Variants in ERC2 observed in about 807,000 individuals in gnomAD.
ERC2 encodes ELKS/RAB6-interacting/CAST family member 2.
Under a neutral mutation model 114.8 loss-of-function variants are expected in ERC2, and 42 were observed. The observed-to-expected ratio is 0.37, with a 90% CI of 0.29 to 0.47. The LOEUF (loss-of-function observed/expected upper bound fraction) is 0.47, where lower values mean the gene tolerates loss of function less well. ERC2 is among the 20% of genes least tolerant of loss of function. ERC2 has a pLI of 0.99. For missense variants in ERC2, 939 were observed against 1,150.7 expected (o/e 0.82, Z 2.66); for synonymous variants, 454 against 425.5 (o/e 1.07, Z -0.82).
rs117830827 is a variant in ERC2 at position 55,818,687 on chromosome 3, C to T, written c.2564+69702G>A. On this transcript the variant is annotated intron_variant, in intron 14 of 17. Transcript: ENST00000288221. ...CACCACCAACCACAGAGGGGTGCTA[C>T]GTGTGTGCAATGTGACAAGGCAGCT... Among the ~76,000 whole-genome samples, 347 of 152,308 alleles carry T rather than the reference C, an allele frequency of 2.3e-3. 14 individuals are homozygous for T. In the East Asian group the frequency reaches 0.056, roughly 25 times the overall value.
At chr3:55,664,065 C>T (rs2061254542) in intron 17 of ERC2, among the ~76,000 whole-genome samples, 1 of 152,194 alleles carries the variant, frequency 6.6e-6, no homozygotes, top group African/African-American at 2.4e-5. Flanking sequence ...GTGGTTCACA[C>T]ACCAGCAGCA....
At chr3:55,683,966 T>C in intron 16 of ERC2, 107 bp from the exon 17 acceptor site, 1 of 1,242,412 alleles carries the variant, frequency 8.0e-7, no homozygotes, top group Non-Finnish European at 1.1e-6. Flanking sequence ...ACACTAATCT[T>C]CACTTTGTTT....
At chr3:56,229,153 CA>C (rs2050444733) in intron 3 of ERC2, among the ~76,000 whole-genome samples, 1 of 152,158 alleles carries the variant, frequency 6.6e-6, no homozygotes, top group Non-Finnish European at 1.5e-5. Context: ...GAGGATACAG[CA>C]GTGAACAAAA....
At chr3:56,440,809 T>G (rs1001458095) in intron 1 of ERC2, among the ~76,000 whole-genome samples, 2 of 152,220 alleles carry the variant, frequency 1.3e-5, no homozygotes, top group African/African-American at 4.8e-5. Context: ...TTTCTCCATG[T>G]TTTATCTTAA....
chr3:55,729,985 C>T lies in ERC2; in HGVS notation c.2712+4786G>A, dbSNP rs1425649450. 3.9e-5 allele frequency among the ~76,000 whole-genome samples: 6 copies of T among 151,924 alleles called. 1 individual carries two copies. The highest frequency in any genetic ancestry group is 3.3e-4 in the Admixed American group (5 of 15,230). On this transcript the variant is annotated intron_variant, in intron 15 of 17. Coordinates refer to ENST00000288221, the MANE Select transcript of ERC2 (RefSeq NM_015576.3). ...CTCGTTAAGTTGAATTCCAATGTGG[C>T]AAACATAGCACTTGGTCTCACCAAG...
chr3:55,572,171 C>G (rs1358817866), intron 17 of ERC2, among the ~76,000 whole-genome samples: 1 of 152,200 alleles, frequency 6.6e-6, no homozygotes, highest in Non-Finnish European at 1.5e-5. Context: ...AAGACAGCGG[C>G]CAGGGAGCGT....
intron 13 of ERC2, among the ~76,000 whole-genome samples, chr3:55,927,618 T>C (rs953731836): frequency 6.6e-6 from 1 of 152,218 alleles, no homozygotes; most frequent in Non-Finnish European, 1.5e-5. Context: ...TCTATTCTTT[T>C]AGTTATTTTA....
At position 56,435,125 on chromosome 3, in the gene ERC2, A is replaced by G. The variant is rs1317593005; in HGVS notation, c.-118T>C. 2 of 713,692 alleles carry G rather than the reference A, an allele frequency of 2.8e-6. No individual in the cohort carries two copies. The highest frequency in any genetic ancestry group is 4.5e-6 in the Non-Finnish European group (2 of 441,632). 44.2% of individuals were successfully genotyped at this position (713,692 alleles called of 1,614,324 possible). ...CCGCATTCTTTTCACAGTCCGTACC[A>G]GAAAATAACTCCACTCAGAGATCTA... On this transcript the variant is annotated 5_prime_UTR_variant, in exon 2 of 18. Transcript: ENST00000288221.
chr3:55,730,744 T>A (rs1222633253), intron 15 of ERC2, among the ~76,000 whole-genome samples: 1 of 152,170 alleles, frequency 6.6e-6, no homozygotes, highest in Non-Finnish European at 1.5e-5. Context: ...AGGTGGGGCA[T>A]GCCTGCTGAG....
intron 1 of ERC2, among the ~76,000 whole-genome samples, chr3:56,441,552 T>A (rs1302817430): frequency 6.6e-6 from 1 of 152,254 alleles, no homozygotes; most frequent in Non-Finnish European, 1.5e-5. Flanking sequence ...AGCTTTTCAA[T>A]GTTCCGTTTG....
chr3:55,566,832 A>G (rs1343470129), intron 17 of ERC2, among the ~76,000 whole-genome samples: 1 of 152,052 alleles, frequency 6.6e-6, no homozygotes, highest in Non-Finnish European at 1.5e-5. Flanking sequence ...CTGAGCAGTT[A>G]GGATTACAGG....
At chr3:55,762,488 G>T (rs1559614798) in intron 14 of ERC2, among the ~76,000 whole-genome samples, 1 of 152,278 alleles carries the variant, frequency 6.6e-6, no homozygotes, top group South Asian at 2.1e-4. Context: ...GAGACTTTGT[G>T]CCTGCCTTCA....
At position 56,003,217 on chromosome 3, in the gene ERC2, A is replaced by C; in HGVS notation, c.2061+3964T>G. The stretch of plus-strand genomic sequence containing the variant: ...AGAAAAACAGCATTAGCTCAACAAA[A>C]TCCATGCATTCGCACAGACGAGTTG... On this transcript the variant is annotated intron_variant, in intron 10 of 17. Transcript: ENST00000288221. 6 of 880,596 alleles carry C rather than the reference A, an allele frequency of 6.8e-6. 1 individual carries two copies. The highest frequency in any genetic ancestry group is 8.5e-6 in the Non-Finnish European group (6 of 703,548). The allele number at this position is 880,596 out of a possible 1,614,324, so 54.5% of individuals were successfully genotyped here.
At chr3:55,891,944 T>C (rs1371568578) in intron 13 of ERC2, among the ~76,000 whole-genome samples, 3 of 152,188 alleles carry the variant, frequency 2.0e-5, no homozygotes. Flanking sequence ...TTCTTTGAAA[T>C]AACATTTTAA....
At chr3:56,183,394 G>A (rs2083400376) in intron 3 of ERC2, among the ~76,000 whole-genome samples, 1 of 152,172 alleles carries the variant, frequency 6.6e-6, no homozygotes, top group Non-Finnish European at 1.5e-5. Context: ...CTAATACTCA[G>A]TTTCCTCATG....
intron 17 of ERC2, among the ~76,000 whole-genome samples, chr3:55,610,067 A>AC (rs1182709871): frequency 5.4e-4 from 43 of 80,292 alleles, no homozygotes; most frequent in South Asian, 4.4e-3. Flanking sequence ...ACACAAACAA[A>AC]AAAAAAAAAA....
chr3:55,812,679 T>C (rs920304370), intron 14 of ERC2, among the ~76,000 whole-genome samples: 19 of 152,196 alleles, frequency 1.2e-4, no homozygotes, highest in African/African-American at 4.6e-4. Context: ...CACAGAGAGT[T>C]TGACTATTTT....
intron 13 of ERC2, among the ~76,000 whole-genome samples, chr3:55,900,084 T>C (rs1330450818): frequency 6.6e-6 from 1 of 152,146 alleles, no homozygotes; most frequent in Non-Finnish European, 1.5e-5. Flanking sequence ...GTACTTTGGT[T>C]CTGAGAGTCC....
At chr3:56,117,165 G>T (rs1363551892) in intron 6 of ERC2, among the ~76,000 whole-genome samples, 1 of 152,178 alleles carries the variant, frequency 6.6e-6, no homozygotes, top group East Asian at 1.9e-4. Flanking sequence ...GCCTAGGAGG[G>T]TAAGACTGTC....
Sources: gnomAD v4.1 joint callset for allele counts (sites outside exome capture counted in the v4.1 genomes callset) on GRCh38, gnomAD v4.1.1 for gene constraint, MANE v1.5 for transcripts, NCBI Gene and HGNC (gene_info 2026-07-23, HGNC 2026-07-21) for gene names.